The following KIAA1217 variants were observed in gnomAD, a reference collection of about 807,000 sequenced individuals.
KIAA1217 encodes the protein sickle tail protein homolog.
KIAA1217 carries 88 observed loss-of-function variants against 163.9 expected under a neutral mutation model. The ratio of observed to expected loss-of-function variants is 0.54; its 90% confidence interval spans 0.45 to 0.64. KIAA1217 has a LOEUF of 0.64. Ranked by LOEUF, KIAA1217 falls within the 30% of genes least tolerant of loss-of-function variation. The pLI is 0.00. For missense variants in KIAA1217, 2,372 were observed against 2,475.0 expected, an observed-to-expected ratio of 0.96 and a Z score of 0.88; for synonymous variants, 903 against 923.1, an observed-to-expected ratio of 0.98 and a Z score of 0.39.
intron 1 of KIAA1217, among the ~76,000 whole-genome samples, chr10:23,931,710 G>T (rs562268444): frequency 4.7e-4 from 72 of 152,224 alleles, no homozygotes; most frequent in African/African-American, 1.7e-3. Flanking sequence ...CATGGGTGGG[G>T]TTAGTTTCAT....
intron 1 of KIAA1217, among the ~76,000 whole-genome samples, chr10:23,904,608 A>G (rs2131253414): frequency 6.6e-6 from 1 of 152,234 alleles, no homozygotes; most frequent in South Asian, 2.1e-4. Flanking sequence ...CAGGAAAACC[A>G]TGCATTGGTT....
At chr10:24,194,522 C>A (rs2066891802) in intron 2 of KIAA1217, among the ~76,000 whole-genome samples, 2 of 151,430 alleles carry the variant, frequency 1.3e-5, no homozygotes, top group Admixed American at 6.6e-5. Context: ...AACTCCCAAA[C>A]CAGGTGTGTC....
chr10:24,008,158 TTAGATAGATAGATAGATAGATAGA>T, intron 2 of KIAA1217, among the ~76,000 whole-genome samples: 1 of 148,370 alleles, frequency 6.7e-6, no homozygotes, highest in South Asian at 2.2e-4. Flanking sequence ...AGGTAGGAAA[TTAGATAGATAGATAGATAGATAGA>T]TAGATAGATA....
intron 1 of KIAA1217, among the ~76,000 whole-genome samples, chr10:23,782,211 C>A (rs1434983660): frequency 6.6e-6 from 1 of 151,832 alleles, no homozygotes; most frequent in Non-Finnish European, 1.5e-5. Context: ...AATATCTTTC[C>A]ATTTATGTGT....
intron 2 of KIAA1217, among the ~76,000 whole-genome samples, chr10:24,203,260 A>G (rs1350261222): frequency 1.3e-5 from 2 of 152,164 alleles, no homozygotes; most frequent in Non-Finnish European, 2.9e-5. Context: ...CAAAATAATA[A>G]AAATAATATT....
intron 2 of KIAA1217, among the ~76,000 whole-genome samples, chr10:24,138,661 C>T (rs183672191): frequency 0.013 from 1,876 of 149,298 alleles, 22 homozygotes; most frequent in Middle Eastern, 0.064. Flanking sequence ...AAAAAAAAAC[C>T]ACTCCAATGA....
intron 1 of KIAA1217, among the ~76,000 whole-genome samples, chr10:23,864,045 G>T (rs1488664373): frequency 1.3e-5 from 2 of 151,414 alleles, no homozygotes; most frequent in Non-Finnish European, 2.9e-5. Flanking sequence ...CATGATTATT[G>T]AGTACTCACA....
chr10:24,064,016 G>T (rs1196069057), intron 2 of KIAA1217, among the ~76,000 whole-genome samples: 1 of 152,138 alleles, frequency 6.6e-6, no homozygotes, highest in Non-Finnish European at 1.5e-5. Flanking sequence ...TTCTGAAGTT[G>T]CTTATCAGCT....
chr10:23,706,774 T>C (rs980971548), intron 1 of KIAA1217, among the ~76,000 whole-genome samples: 10 of 152,302 alleles, frequency 6.6e-5, no homozygotes, highest in Admixed American at 6.5e-5. Flanking sequence ...CTTCTATTTT[T>C]CATTCTTAAC....
chr10:24,160,425 A>G lies in KIAA1217; in HGVS notation c.-170-59201A>G, dbSNP rs181778627. Among the ~76,000 whole-genome samples, 410 of 152,276 alleles carry G rather than the reference A, an allele frequency of 2.7e-3. 1 individual carries two copies. Among genetic ancestry groups the G allele is most frequent in the Middle Eastern group, 0.024 (7 of 294 alleles). Reference sequence around the variant, plus strand: ...GCCATGTTTTATACTCTCGGTGTACATATAGTACACATCTTTTGTGAAATT... The same window carrying G: ...GCCATGTTTTATACTCTCGGTGTACGTATAGTACACATCTTTTGTGAAATT... On this transcript the variant is annotated intron_variant, in intron 2 of 18. Coordinates refer to the KIAA1217 transcript ENST00000376462.
At chr10:24,203,777 G>A (rs1007832526) in intron 2 of KIAA1217, among the ~76,000 whole-genome samples, 25 of 152,160 alleles carry the variant, frequency 1.6e-4, no homozygotes, top group African/African-American at 6.0e-4. Context: ...AGGAACTCTG[G>A]GAAATATGCC....
At chr10:24,118,195 T>C (rs896298179) in intron 2 of KIAA1217, among the ~76,000 whole-genome samples, 1 of 150,498 alleles carries the variant, frequency 6.6e-6, no homozygotes, top group Non-Finnish European at 1.5e-5. Context: ...GAAAGAAGAC[T>C]GAATCTAGCA....
At chr10:24,510,019 C>T (rs569358692) in intron 9 of KIAA1217, among the ~76,000 whole-genome samples, 5 of 152,226 alleles carry the variant, frequency 3.3e-5, no homozygotes, top group Admixed American at 3.3e-4. Flanking sequence ...CCCATGCATG[C>T]AGTTCTAACC....
Position 24,495,145 on chromosome 10 carries a change from A to C in KIAA1217, c.1785-2A>C. ...AGCTGACTCTCTTTTTCTTTTATTC[A>C]GCGAGAAAATGATGAAAACCACAGC... is the stretch of plus-strand genomic sequence containing the variant. On this transcript the variant is annotated splice_acceptor_variant, in intron 7 of 20. Transcript: ENST00000376454. LOFTEE classifies it high-confidence loss of function. 6.2e-7 allele frequency: 1 copy of C among 1,610,716 alleles called. No homozygotes were observed. Among genetic ancestry groups the C allele is most frequent in the Non-Finnish European group, 8.5e-7 (1 of 1,179,096 alleles).
chr10:24,250,895 C>T (rs1480357455), intron 2 of KIAA1217, among the ~76,000 whole-genome samples: 1 of 150,902 alleles, frequency 6.6e-6, no homozygotes, highest in Non-Finnish European at 1.5e-5. Flanking sequence ...CTGAGATCAG[C>T]CTGAGCAACA....
intron 6 of KIAA1217, among the ~76,000 whole-genome samples, chr10:24,492,828 T>C (rs1350271737): frequency 1.3e-5 from 2 of 151,196 alleles, no homozygotes; most frequent in Non-Finnish European, 2.9e-5. Flanking sequence ...TGGCTTTTTC[T>C]AGTGGAAGAA....
intron 4 of KIAA1217, among the ~76,000 whole-genome samples, chr10:24,437,906 C>CAAAAAAAA (rs58645832): frequency 1.2e-3 from 74 of 63,642 alleles, no homozygotes; most frequent in East Asian, 3.0e-3. Flanking sequence ...TGTTTGAAGG[C>CAAAAAAAA]AAAAAAAAAA....
chr10:24,352,589 G>T (rs1419693340), intron 2 of KIAA1217, among the ~76,000 whole-genome samples: 1 of 152,112 alleles, frequency 6.6e-6, no homozygotes, highest in Non-Finnish European at 1.5e-5. Context: ...ATGCAGTCAA[G>T]GTTATTCTTG....
intron 1 of KIAA1217, among the ~76,000 whole-genome samples, chr10:23,738,666 G>A (rs369863477): frequency 7.9e-5 from 12 of 152,034 alleles, no homozygotes; most frequent in African/African-American, 2.7e-4. Context: ...TGAGCAGTGA[G>A]GAGGCAGATG....
Sources: gnomAD v4.1 joint callset for allele counts (sites outside exome capture counted in the v4.1 genomes callset) on GRCh38, gnomAD v4.1.1 for gene constraint, MANE v1.5 for transcripts, NCBI Gene and HGNC (gene_info 2026-07-23, HGNC 2026-07-21) for gene names.